The following ABLIM1 variants were observed in gnomAD, a reference collection of about 807,000 sequenced individuals.
The protein encoded by ABLIM1 is actin binding LIM protein 1, also known as actin-binding LIM protein 1.
In ABLIM1, 40 loss-of-function variants were observed where a neutral mutation model predicts 107.0. The ratio of observed to expected loss-of-function variants is 0.37; its 90% CI spans 0.29 to 0.49. The LOEUF is 0.49. Ranked by LOEUF, ABLIM1 falls within the 20% of genes least tolerant of loss-of-function variation. ABLIM1 has a pLI of 0.97. For synonymous variants in ABLIM1, 357 were observed against 357.3 expected (o/e 1.00, Z 0.01); for missense variants, 857 against 1,008.5 (o/e 0.85, Z 2.04).
chr10:114,574,443 T>C (rs1288336106), intron 3 of ABLIM1, among the ~76,000 whole-genome samples: 1 of 151,384 alleles, frequency 6.6e-6, no homozygotes, highest in Admixed American at 6.6e-5. Context: ...TTATTTATTT[T>C]ATTTTATTTT....
intron 1 of ABLIM1, among the ~76,000 whole-genome samples, chr10:114,608,125 G>A (rs2483591): frequency 0.66 from 100,213 of 151,998 alleles, 34,256 homozygotes; most frequent in East Asian, 0.88. Context: ...AGAATTCTGG[G>A]AGGCCAAGGT....
the ABLIM1 span, among the ~76,000 whole-genome samples, chr10:114,793,781 T>C: frequency 2.2e-3 from 342 of 152,318 alleles, 5 homozygotes; most frequent in African/African-American, 7.1e-3. Flanking sequence ...AGCTGTACTG[T>C]AGTCTCCAAG....
intron 1 of ABLIM1, among the ~76,000 whole-genome samples, chr10:114,641,609 G>C (rs967393096): frequency 9.2e-5 from 14 of 152,228 alleles, no homozygotes; most frequent in Admixed American, 2.0e-4. Flanking sequence ...TTTAAGTAGA[G>C]TAGTAGAGGA....
chr10:114,686,956 A>G (rs969448366), upstream of ABLIM1, among the ~76,000 whole-genome samples: 1 of 152,190 alleles, frequency 6.6e-6, no homozygotes, highest in Non-Finnish European at 1.5e-5. Flanking sequence ...TTAAATAGCA[A>G]TGGAGCTTAT....
At chr10:114,505,401 C>A (rs137882539) in intron 6 of ABLIM1, among the ~76,000 whole-genome samples, 5 of 152,312 alleles carry the variant, frequency 3.3e-5, no homozygotes, top group Non-Finnish European at 7.4e-5. Context: ...TCCTTTCCAA[C>A]ACAATAGCAT....
At chr10:114,557,618 T>A (rs890090877) in intron 4 of ABLIM1, among the ~76,000 whole-genome samples, 10 of 151,840 alleles carry the variant, frequency 6.6e-5, no homozygotes, top group African/African-American at 9.7e-5. Context: ...CCCACAGAAT[T>A]CTGTTAGGAG....
chr10:114,674,391 A>C lies in ABLIM1; in HGVS notation c.64+9899T>G, dbSNP rs141891260. 7.3e-3 allele frequency among the ~76,000 whole-genome samples: 1,113 copies of C among 152,292 alleles called. 13 individuals are homozygous for C. Among genetic ancestry groups the C allele is most frequent in the African/African-American group, 0.025 (1,028 of 41,566 alleles). ...AATCAGTTTAGCAGTTATTATTTTA[A>C]ATGTACATCGTAACTGTAAAAATGT... On this transcript the variant is annotated intron_variant, in intron 1 of 23. Coordinates refer to the ABLIM1 transcript ENST00000369256.
chr10:114,623,700 ACT>A (rs1378677069), intron 1 of ABLIM1, among the ~76,000 whole-genome samples: 1 of 152,136 alleles, frequency 6.6e-6, no homozygotes, highest in East Asian at 1.9e-4. Flanking sequence ...TGAATCAGAA[ACT>A]CTGAGGGCAG....
intron 1 of ABLIM1, among the ~76,000 whole-genome samples, chr10:114,708,274 A>G (rs976205846): frequency 1.3e-5 from 2 of 152,218 alleles, no homozygotes; most frequent in East Asian, 3.9e-4. Context: ...TGATGGCAAC[A>G]TAGCTACACC....
intron 14 of ABLIM1, chr10:114,450,086 C>T: frequency 2.5e-6 from 1 of 394,742 alleles, no homozygotes; most frequent in South Asian, 2.0e-5. Flanking sequence ...AAATCAAATG[C>T]TGAGAATTTT....
intron 1 of ABLIM1, among the ~76,000 whole-genome samples, chr10:114,631,607 C>T (rs994593301): frequency 6.6e-6 from 1 of 151,954 alleles, no homozygotes; most frequent in Non-Finnish European, 1.5e-5. Flanking sequence ...GGGGGCAAGA[C>T]GGCGAGTCTC....
At chr10:114,599,553 C>CT (rs1457541116) in intron 2 of ABLIM1, among the ~76,000 whole-genome samples, 3 of 152,016 alleles carry the variant, frequency 2.0e-5, no homozygotes, top group Non-Finnish European at 4.4e-5. Context: ...AGGAGAATCC[C>CT]TTGAGATTAG....
At chr10:114,547,320 G>C (rs1293950991) in intron 5 of ABLIM1, among the ~76,000 whole-genome samples, 1 of 152,138 alleles carries the variant, frequency 6.6e-6, no homozygotes, top group East Asian at 1.9e-4. Flanking sequence ...GCCCTGGAAG[G>C]AGAACAAAGG....
intron 1 of ABLIM1, chr10:114,690,549 T>G: frequency 1.6e-6 from 2 of 1,234,376 alleles, no homozygotes; most frequent in Non-Finnish European, 2.4e-6. Flanking sequence ...TTCTGCTGTC[T>G]TTGGAAACTT....
upstream of ABLIM1, among the ~76,000 whole-genome samples, chr10:114,662,435 G>A (rs111265781): frequency 4.1e-3 from 619 of 152,184 alleles, 5 homozygotes; most frequent in African/African-American, 0.014. Flanking sequence ...GCTCAGCAGC[G>A]GCTATCCCTG....
At position 114,679,331 on chromosome 10, in the gene ABLIM1, A is replaced by G. The variant is rs550476316; in HGVS notation, c.64+4959T>C. 9.8e-5 allele frequency among the ~76,000 whole-genome samples: 11 copies of G among 112,326 alleles called. No individual in the cohort carries two copies. In the East Asian group the frequency reaches 2.8e-3, roughly 29 times the overall value. 73.7% of individuals were successfully genotyped at this position (112,326 alleles called of 152,430 possible). ...TAATTTTCTCCCCACCAAACAGGCC[A>G]AGTTAGAAATATCTTAAACCTTGCC... On this transcript the variant is annotated intron_variant, in intron 1 of 23. Coordinates refer to the ABLIM1 transcript ENST00000369256.
intron 22 of ABLIM1, 44 bp from the exon 23 acceptor site, chr10:114,436,417 G>A: frequency 6.9e-7 from 1 of 1,450,016 alleles, no homozygotes; most frequent in Non-Finnish European, 9.6e-7. Flanking sequence ...CAGTCCTGAT[G>A]GCCACACAAA....
intron 1 of ABLIM1, among the ~76,000 whole-genome samples, chr10:114,752,527 G>A (rs808305): frequency 0.69 from 105,100 of 152,054 alleles, 36,496 homozygotes; most frequent in Non-Finnish European, 0.73. Context: ...TGCACCTATC[G>A]ACCCATCACC....
intron 1 of ABLIM1, among the ~76,000 whole-genome samples, chr10:114,764,242 CTT>C (rs1288053590): frequency 6.6e-6 from 1 of 152,204 alleles, no homozygotes; most frequent in African/African-American, 2.4e-5. Context: ...ATGGGAATGT[CTT>C]AGCTTGCTCT....
Sources: gnomAD v4.1 joint callset for allele counts (sites outside exome capture counted in the v4.1 genomes callset) on GRCh38, gnomAD v4.1.1 for gene constraint, MANE v1.5 for transcripts, NCBI Gene and HGNC (gene_info 2026-07-23, HGNC 2026-07-21) for gene names.